PLEKHA7: variants seen among roughly 807,000 people sequenced by gnomAD.
The protein encoded by PLEKHA7 is pleckstrin homology domain-containing family A member 7.
In PLEKHA7, 104 loss-of-function variants were observed where a neutral mutation model predicts 170.0. That is an observed-to-expected ratio of 0.61 (90% CI 0.52 to 0.72). The LOEUF is 0.72. Ranked by LOEUF, PLEKHA7 falls within the 30% of genes least tolerant of loss-of-function variation. PLEKHA7 has a pLI of 0.00. For synonymous variants in PLEKHA7, 648 were observed against 660.8 expected, an observed-to-expected ratio of 0.98 and a Z score of 0.30; for missense variants, 1,615 against 1,671.7, an observed-to-expected ratio of 0.97 and a Z score of 0.59.
Position 16,789,734 on chromosome 11 carries a change from T to G in PLEKHA7, c.3156+41A>C. ...CCCTGGGAGACCCTCCCTCCCCATGTGAAGGAGCAGGGAGGTCCTCGACAG... is the reference window on the plus strand; with the variant it reads ...CCCTGGGAGACCCTCCCTCCCCATGGGAAGGAGCAGGGAGGTCCTCGACAG... On this transcript the variant is annotated intron_variant, in intron 22 of 26. Coordinates refer to ENST00000531066, the MANE Select transcript of PLEKHA7 (RefSeq NM_001329630.2). The surrounding 1 kb of genome is among the most constrained non-coding windows in gnomAD (Gnocchi z 4.6). 6.5e-7 allele frequency: 1 copy of G among 1,529,458 alleles called. No homozygotes were observed. 94.7% of individuals were successfully genotyped at this position (1,529,458 alleles called of 1,614,324 possible). A position where few individuals can be genotyped will look rare whatever the true frequency, so the allele number is the denominator to read the frequency against.
chr11:17,014,265 G>A, intron 1 of PLEKHA7, 51 bp downstream of exon 1: 8 of 720,600 alleles, frequency 1.1e-5, no homozygotes, highest in South Asian at 2.4e-5. Flanking sequence ...CCCGGCCCCC[G>A]CCCCCGCGCC....
chr11:16,913,991 G>A (rs1197434120), intron 3 of PLEKHA7, among the ~76,000 whole-genome samples: 1 of 152,150 alleles, frequency 6.6e-6, no homozygotes, highest in African/African-American at 2.4e-5. Flanking sequence ...AAAAGTAGAA[G>A]CAATCTAAAT....
At chr11:16,862,074 G>A (rs998850259) in intron 4 of PLEKHA7, among the ~76,000 whole-genome samples, 1 of 152,110 alleles carries the variant, frequency 6.6e-6, no homozygotes, top group Non-Finnish European at 1.5e-5. Flanking sequence ...AACAGCCTGG[G>A]GGAGGCTGTC....
chr11:16,919,242 A>G (rs566071581), intron 3 of PLEKHA7, among the ~76,000 whole-genome samples: 134 of 151,992 alleles, frequency 8.8e-4, no homozygotes, highest in Non-Finnish European at 1.7e-3. Flanking sequence ...AGAAAGATTC[A>G]CCCCTGTATT....
At chr11:16,863,757 T>G (rs530444087) in intron 4 of PLEKHA7, among the ~76,000 whole-genome samples, 28 of 152,272 alleles carry the variant, frequency 1.8e-4, no homozygotes, top group Admixed American at 6.5e-4. Context: ...CTGGAAGTTC[T>G]GTGTCAAGGA....
At chr11:16,982,780 T>TACACACACACACACACACACACAC (rs35725815) in intron 3 of PLEKHA7, among the ~76,000 whole-genome samples, 23 of 144,122 alleles carry the variant, frequency 1.6e-4, no homozygotes, top group African/African-American at 6.0e-4. Context: ...CACTATCCCC[T>TACACACACACACACACACACACAC]ACACACACAC....
In PLEKHA7 at chr11:16,871,091, A is replaced by C; in HGVS notation, c.305+8T>G. 1 of 1,575,602 alleles carries C rather than the reference A, an allele frequency of 6.3e-7. No individual in the cohort carries two copies. Among genetic ancestry groups the C allele is most frequent in the Non-Finnish European group, 8.7e-7 (1 of 1,145,464 alleles). ...GCCCAGATAAGGAGAATACATAAAA[A>C]GACTTACTCTTCTTGAAGAATGAAT... is the stretch of plus-strand genomic sequence containing the variant. On this transcript the variant is annotated splice_region_variant and intron_variant, in intron 4 of 26. Transcript: ENST00000531066.
chr11:16,890,891 CATT>C (rs1469496746), intron 3 of PLEKHA7, among the ~76,000 whole-genome samples: 1 of 151,454 alleles, frequency 6.6e-6, no homozygotes, highest in Non-Finnish European at 1.5e-5. Context: ...TAAAAATATA[CATT>C]TTTTTTCTTT....
chr11:16,973,071 C>G (rs1219717887), intron 3 of PLEKHA7, among the ~76,000 whole-genome samples: 1 of 152,210 alleles, frequency 6.6e-6, no homozygotes, highest in Non-Finnish European at 1.5e-5. Context: ...GGCCCATCTG[C>G]CTTACAGGCT....
Position 16,871,091 on chromosome 11 carries a change from A to G in PLEKHA7, c.305+8T>C. 2 of 1,575,602 alleles carry G rather than the reference A, an allele frequency of 1.3e-6. No homozygotes were observed. Among genetic ancestry groups the G allele is most frequent in the Non-Finnish European group, 1.7e-6 (2 of 1,145,464 alleles). On this transcript the variant is annotated splice_region_variant and intron_variant, in intron 4 of 26. Coordinates refer to ENST00000531066, the MANE Select transcript of PLEKHA7 (RefSeq NM_001329630.2). ...GCCCAGATAAGGAGAATACATAAAA[A>G]GACTTACTCTTCTTGAAGAATGAAT...
intron 3 of PLEKHA7, among the ~76,000 whole-genome samples, chr11:16,998,862 A>G (rs1864499823): frequency 6.6e-6 from 1 of 151,998 alleles, no homozygotes; most frequent in Non-Finnish European, 1.5e-5. Context: ...AATCTTGCCA[A>G]ACACTTTCTT....
chr11:16,949,959 T>G (rs1861297959), intron 3 of PLEKHA7, among the ~76,000 whole-genome samples: 1 of 151,362 alleles, frequency 6.6e-6, no homozygotes, highest in African/African-American at 2.4e-5. Context: ...GCATGGGAAT[T>G]AGGCCTGTCA....
chr11:16,814,435 T>G (rs1849596208), intron 12 of PLEKHA7, among the ~76,000 whole-genome samples: 1 of 152,192 alleles, frequency 6.6e-6, no homozygotes, highest in Non-Finnish European at 1.5e-5. Context: ...AGGACCAGCC[T>G]CGTTGGCTGA....
chr11:16,907,636 T>A (rs1462278034), intron 3 of PLEKHA7, among the ~76,000 whole-genome samples: 7 of 125,264 alleles, frequency 5.6e-5, no homozygotes, highest in Non-Finnish European at 1.8e-5. Flanking sequence ...CCGCCCCTAC[T>A]GGGAAGTAAG....
At chr11:16,950,209 T>C (rs1343618475) in intron 3 of PLEKHA7, among the ~76,000 whole-genome samples, 2 of 152,098 alleles carry the variant, frequency 1.3e-5, no homozygotes, top group East Asian at 3.9e-4. Flanking sequence ...TACCACGCCC[T>C]AGAATCTGTG....
intron 3 of PLEKHA7, among the ~76,000 whole-genome samples, chr11:16,963,006 G>A (rs759587382): frequency 7.2e-5 from 11 of 152,296 alleles, no homozygotes; most frequent in African/African-American, 1.9e-4. Flanking sequence ...TCAGAGTGAC[G>A]AGGAGCAAGG....
At chr11:16,961,362 G>A (rs1156560832) in intron 3 of PLEKHA7, among the ~76,000 whole-genome samples, 1 of 152,196 alleles carries the variant, frequency 6.6e-6, no homozygotes, top group Non-Finnish European at 1.5e-5. Flanking sequence ...CAGCTCATCG[G>A]AGAGTAAGAC....
intron 3 of PLEKHA7, among the ~76,000 whole-genome samples, chr11:17,008,357 G>A (rs1378703104): frequency 6.6e-6 from 1 of 152,194 alleles, no homozygotes; most frequent in Admixed American, 6.5e-5. Flanking sequence ...CAGATGCAGA[G>A]CAATAAGGAT....
chr11:16,874,035 G>C (rs1855085152), intron 3 of PLEKHA7, among the ~76,000 whole-genome samples: 1 of 152,074 alleles, frequency 6.6e-6, no homozygotes, highest in African/African-American at 2.4e-5. Context: ...ATCTAAACCT[G>C]CCTCATTTCC....
Sources: allele counts gnomAD v4.1 joint callset (sites outside exome capture counted in the v4.1 genomes callset), GRCh38; gene constraint gnomAD v4.1.1; non-coding constraint Gnocchi (gnomAD v3.1); transcripts MANE v1.5; gene names NCBI Gene and HGNC (gene_info 2026-07-23, HGNC 2026-07-21).